C1orf21: variants seen among roughly 807,000 people sequenced by gnomAD.
C1orf21 encodes uncharacterized protein C1orf21.
In C1orf21, 3 loss-of-function variants were observed where a neutral mutation model predicts 18.7. The ratio of observed to expected loss-of-function variants is 0.16; its 90% CI spans 0.07 to 0.42. The LOEUF is 0.42. Among genes scored for constraint, C1orf21 ranks in the 10% least tolerant of loss-of-function variants. The pLI is 0.99. For missense variants in C1orf21, 104 were observed against 143.6 expected (o/e 0.72, Z 1.41); for synonymous variants, 41 against 46.4 (o/e 0.88, Z 0.47).
chr1:184,509,492 T>C (rs977670023), intron 3 of C1orf21, among the ~76,000 whole-genome samples: 1 of 152,172 alleles, frequency 6.6e-6, no homozygotes, highest in Non-Finnish European at 1.5e-5. Flanking sequence ...AGTAAATAGC[T>C]ATCTTTGATC....
At chr1:184,526,802 T>C (rs183301988) in intron 3 of C1orf21, among the ~76,000 whole-genome samples, 72 of 152,220 alleles carry the variant, frequency 4.7e-4, no homozygotes, top group African/African-American at 1.7e-3. Flanking sequence ...CCCCCTTCAT[T>C]CATTCATTCA....
intron 1 of C1orf21, among the ~76,000 whole-genome samples, chr1:184,441,582 C>T (rs1455369072): frequency 6.6e-6 from 1 of 152,214 alleles, no homozygotes; most frequent in African/African-American, 2.4e-5. Flanking sequence ...CAGCTAAGCA[C>T]ATACATGACT....
intron 1 of C1orf21, among the ~76,000 whole-genome samples, chr1:184,454,470 T>C (rs568629787): frequency 6.6e-6 from 1 of 152,252 alleles, no homozygotes; most frequent in East Asian, 1.9e-4. Context: ...GTCTTCAATA[T>C]TGATATGGTT....
intron 1 of C1orf21, among the ~76,000 whole-genome samples, chr1:184,409,743 T>A (rs1386564587): frequency 6.6e-6 from 1 of 152,218 alleles, no homozygotes; most frequent in South Asian, 2.1e-4. Context: ...CTCTGGGTAT[T>A]GACTGTTTAA....
chr1:184,604,123 C>T (rs891129307), intron 5 of C1orf21, among the ~76,000 whole-genome samples: 57 of 152,122 alleles, frequency 3.7e-4, no homozygotes, highest in African/African-American at 1.3e-3. Flanking sequence ...TACGTGTAAA[C>T]GATTTCTGTA....
rs941287378 is a variant in C1orf21 at position 184,620,295 on chromosome 1, T to C, written c.*739T>C. 5 of 152,768 alleles carry C rather than the reference T, an allele frequency of 3.3e-5. No individual in the cohort carries two copies. Among genetic ancestry groups the C allele is most frequent in the African/African-American group, 1.2e-4 (5 of 41,590 alleles). 9.5% of individuals were successfully genotyped at this position (152,768 alleles called of 1,614,324 possible). A position where few individuals can be genotyped will look rare whatever the true frequency, so the allele number is the denominator to read the frequency against. On this transcript the variant is annotated 3_prime_UTR_variant, in exon 6 of 6. Coordinates refer to ENST00000235307, the MANE Select transcript of C1orf21 (RefSeq NM_030806.4). The stretch of plus-strand genomic sequence containing the variant: ...AATCCCTCTTCCTCACTTTTTTTTC[T>C]AAGAAAATAAACATTTTACTGTTTT...
intron 5 of C1orf21, among the ~76,000 whole-genome samples, chr1:184,617,015 G>A (rs545344311): frequency 2.2e-4 from 33 of 152,302 alleles, no homozygotes; most frequent in African/African-American, 7.7e-4. Flanking sequence ...GCCACTAAGG[G>A]AGGAGGTCCC....
chr1:184,447,898 A>G (rs1435879714), intron 1 of C1orf21, among the ~76,000 whole-genome samples: 1 of 151,978 alleles, frequency 6.6e-6, no homozygotes, highest in African/African-American at 2.4e-5. Flanking sequence ...TCATTATCCA[A>G]CCCTGGTCCA....
chr1:184,568,643 T>TGAG (rs1222448065), intron 3 of C1orf21, among the ~76,000 whole-genome samples: 1 of 152,238 alleles, frequency 6.6e-6, no homozygotes, highest in African/African-American at 2.4e-5. Context: ...AAAAACACCC[T>TGAG]GAGGTTCTTA....
rs1162356586 is a variant in C1orf21, at chr1:184,410,617, TTATATATATA to T, written c.-125+23287_-125+23296del. Among the ~76,000 whole-genome samples the T allele has an allele frequency of 6.6e-4, 14 of 21,156 alleles. 2 individuals are homozygous for T. Among genetic ancestry groups the T allele is most frequent in the African/African-American group, 1.0e-3 (2 of 1,950 alleles). 13.9% of individuals were successfully genotyped at this position (21,156 alleles called of 152,430 possible). A position where few individuals can be genotyped will look rare whatever the true frequency, so the allele number is the denominator to read the frequency against. ...GTGAAAGATTAATTTGCCATATATA[TTATATATATA>T]TATATATATATATATATATATATAT... On this transcript the variant is annotated intron_variant, in intron 1 of 5. Transcript: ENST00000235307.
intron 2 of C1orf21, among the ~76,000 whole-genome samples, chr1:184,479,071 A>T (rs1571377524): frequency 6.6e-6 from 1 of 152,302 alleles, no homozygotes; most frequent in South Asian, 2.1e-4. Flanking sequence ...TGGGAAGAAA[A>T]CTGTTGCATT....
At chr1:184,442,043 G>A (rs928803682) in intron 1 of C1orf21, among the ~76,000 whole-genome samples, 1 of 152,110 alleles carries the variant, frequency 6.6e-6, no homozygotes, top group African/African-American at 2.4e-5. Flanking sequence ...AAAGAAACTC[G>A]ATTCAAATCC....
intron 1 of C1orf21, among the ~76,000 whole-genome samples, chr1:184,470,843 C>T (rs1476145511): frequency 6.6e-6 from 1 of 151,682 alleles, no homozygotes; most frequent in African/African-American, 2.4e-5. Flanking sequence ...CACACCACTG[C>T]ACTCCAGCTT....
chr1:184,603,532 C>T (rs746849745), intron 5 of C1orf21, among the ~76,000 whole-genome samples: 1 of 152,228 alleles, frequency 6.6e-6, no homozygotes, highest in African/African-American at 2.4e-5. Flanking sequence ...CAGTGGCTCA[C>T]GCCTATAATC....
In C1orf21 at chr1:184,624,375, C is replaced by T. The variant is rs1175922809; in HGVS notation, c.*4819C>T. The T allele has an allele frequency of 1.3e-5, 2 of 152,516 alleles. No homozygotes were observed. Among genetic ancestry groups the T allele is most frequent in the Non-Finnish European group, 2.9e-5 (2 of 68,036 alleles). The allele number at this position is 152,516 out of a possible 1,614,324, so 9.4% of individuals were successfully genotyped here. On this transcript the variant is annotated 3_prime_UTR_variant, in exon 6 of 6. Coordinates refer to ENST00000235307, the MANE Select transcript of C1orf21 (RefSeq NM_030806.4). ...GGGAATTTAGGCACACGTTTCTCTC[C>T]TTGGAATCCTTCTAGCATCTGGAAA...
intron 3 of C1orf21, among the ~76,000 whole-genome samples, chr1:184,577,947 G>GTTTTGTTTTTTTTT (rs1571285782): frequency 9.2e-5 from 8 of 86,748 alleles, no homozygotes; most frequent in African/African-American, 2.8e-4. Flanking sequence ...TTTTTGTTTT[G>GTTTTGTTTTTTTTT]TTTTTGTTTT....
intron 3 of C1orf21, among the ~76,000 whole-genome samples, chr1:184,523,189 T>C (rs1325619266): frequency 7.2e-5 from 11 of 152,164 alleles, no homozygotes; most frequent in Non-Finnish European, 8.8e-5. Flanking sequence ...ATGACTTCGT[T>C]GCAAGAGTAC....
intron 1 of C1orf21, among the ~76,000 whole-genome samples, chr1:184,396,034 G>A (rs1656044708): frequency 6.6e-6 from 1 of 152,138 alleles, no homozygotes. Context: ...AGATGAAGTA[G>A]GCCACTTCAA....
chr1:184,483,672 G>A (rs921755085), intron 2 of C1orf21, among the ~76,000 whole-genome samples: 2 of 152,130 alleles, frequency 1.3e-5, no homozygotes, highest in Admixed American at 6.5e-5. Context: ...GTGTCCTCAG[G>A]AGGAATCTCC....
Sources: gnomAD v4.1 joint callset for allele counts (sites outside exome capture counted in the v4.1 genomes callset) on GRCh38, gnomAD v4.1.1 for gene constraint, MANE v1.5 for transcripts, NCBI Gene and HGNC (gene_info 2026-07-23, HGNC 2026-07-21) for gene names.